The following LMBR1 variants were observed in gnomAD, a reference collection of about 807,000 sequenced individuals.
The protein encoded by LMBR1 is limb development membrane protein 1, also known as limb region 1 protein homolog.
Under a neutral mutation model 73.9 loss-of-function variants are expected in LMBR1, and 52 were observed. That is an observed-to-expected ratio of 0.70 (90% CI 0.56 to 0.89). The LOEUF (loss-of-function observed/expected upper bound fraction) is 0.89. LMBR1 is among the 40% of genes least tolerant of loss of function. The pLI, the probability that LMBR1 is intolerant of heterozygous loss-of-function variation, is 0.00. For missense variants in LMBR1, 539 were observed against 579.8 expected, an observed-to-expected ratio of 0.93 and a Z score of 0.72; for synonymous variants, 215 against 209.4, an observed-to-expected ratio of 1.03 and a Z score of -0.23.
At chr7:156,852,117 G>A (rs1013002952) in intron 1 of LMBR1, among the ~76,000 whole-genome samples, 2 of 151,988 alleles carry the variant, frequency 1.3e-5, no homozygotes, top group African/African-American at 4.8e-5. Context: ...AATATAACAA[G>A]TAATAAAGAT....
At chr7:156,817,295 C>T (rs1031876287) in intron 4 of LMBR1, among the ~76,000 whole-genome samples, 5 of 152,094 alleles carry the variant, frequency 3.3e-5, no homozygotes, top group African/African-American at 1.2e-4. Context: ...CAGCCATACT[C>T]AATAATTTCC....
Position 156,681,096 on chromosome 7 carries a change from A to C in LMBR1, c.*2982T>G, listed in dbSNP as rs1804943494. The C allele has an allele frequency of 4.8e-6, 2 of 418,510 alleles. No homozygotes were observed. The highest frequency in any genetic ancestry group is 9.2e-6 in the Non-Finnish European group (2 of 216,758). The allele number at this position is 418,510 out of a possible 1,614,324, so 25.9% of individuals were successfully genotyped here. A position where few individuals can be genotyped will look rare whatever the true frequency, so the allele number is the denominator to read the frequency against. On this transcript the variant is annotated 3_prime_UTR_variant, in exon 17 of 17. Transcript: ENST00000353442. Reference sequence around the variant, plus strand: ...ATCTATGTTCACATTAAAAAAAAAAACTTGTAAGAATTCTGCCTTTATGCA... The same window carrying C: ...ATCTATGTTCACATTAAAAAAAAAACCTTGTAAGAATTCTGCCTTTATGCA...
intron 4 of LMBR1, among the ~76,000 whole-genome samples, chr7:156,813,448 A>G (rs1282069625): frequency 1.3e-5 from 2 of 152,242 alleles, no homozygotes; most frequent in African/African-American, 4.8e-5. Flanking sequence ...CTCTCAACAT[A>G]CAACTCAACA....
intron 11 of LMBR1, 118 bp from the exon 12 acceptor site, chr7:156,728,125 CTA>C (rs572583886): frequency 2.9e-6 from 2 of 684,642 alleles, no homozygotes; most frequent in African/African-American, 1.8e-5. Context: ...GACCAAAACG[CTA>C]TATATAAAAC....
At chr7:156,686,565 A>G (rs1042979972) in intron 16 of LMBR1, among the ~76,000 whole-genome samples, 4 of 152,218 alleles carry the variant, frequency 2.6e-5, no homozygotes, top group Non-Finnish European at 4.4e-5. Flanking sequence ...AGAAAAGTAA[A>G]TGTATCTATT....
chr7:156,790,407 T>C (rs926065244), intron 5 of LMBR1, among the ~76,000 whole-genome samples: 2 of 152,076 alleles, frequency 1.3e-5, no homozygotes, highest in African/African-American at 4.8e-5. Flanking sequence ...CAATGAAATA[T>C]GCCCTAAGTC....
At chr7:156,766,376 G>A (rs1257724835) in intron 5 of LMBR1, among the ~76,000 whole-genome samples, 1 of 152,102 alleles carries the variant, frequency 6.6e-6, no homozygotes, top group African/African-American at 2.4e-5. Context: ...CCCACTGTGG[G>A]GCTTGGGTTC....
intron 5 of LMBR1, among the ~76,000 whole-genome samples, chr7:156,771,600 A>G (rs1027642426): frequency 1.3e-5 from 2 of 152,216 alleles, no homozygotes; most frequent in African/African-American, 2.4e-5. Flanking sequence ...TAAAAAGCCA[A>G]CTGACTAGAA....
intron 1 of LMBR1, among the ~76,000 whole-genome samples, chr7:156,890,401 T>A (rs573954168): frequency 6.6e-6 from 1 of 152,162 alleles, no homozygotes; most frequent in African/African-American, 2.4e-5. Flanking sequence ...ATCCACAGAG[T>A]GGGAAAGAAA....
At chr7:156,734,459 A>G (rs552003919) in intron 9 of LMBR1, among the ~76,000 whole-genome samples, 1 of 152,038 alleles carries the variant, frequency 6.6e-6, no homozygotes, top group East Asian at 1.9e-4. Context: ...ACACGTTTCC[A>G]CAGAGTGATA....
chr7:156,710,967 T>C (rs1358639091), intron 15 of LMBR1, among the ~76,000 whole-genome samples: 1 of 152,038 alleles, frequency 6.6e-6, no homozygotes, highest in African/African-American at 2.4e-5. Flanking sequence ...TCTAGGAGAA[T>C]ATTTAGCCAA....
chr7:156,716,998 G>T (rs1463186365), intron 15 of LMBR1, among the ~76,000 whole-genome samples: 1 of 152,114 alleles, frequency 6.6e-6, no homozygotes, highest in African/African-American at 2.4e-5. Context: ...GTTTAGCTGG[G>T]TGTGGTGGTG....
intron 9 of LMBR1, among the ~76,000 whole-genome samples, chr7:156,749,793 G>C (rs1293051155): frequency 6.6e-6 from 1 of 151,958 alleles, no homozygotes; most frequent in Non-Finnish European, 1.5e-5. Context: ...AGGTTCAAGC[G>C]ATTCTCCTGC....
intron 1 of LMBR1, among the ~76,000 whole-genome samples, chr7:156,891,918 G>C (rs2134662223): frequency 6.6e-6 from 1 of 152,266 alleles, no homozygotes; most frequent in African/African-American, 2.4e-5. Flanking sequence ...ACACAAATTA[G>C]ATAATTCTAA....
chr7:156,729,765 G>A (rs745810243), intron 10 of LMBR1, among the ~76,000 whole-genome samples: 10 of 152,138 alleles, frequency 6.6e-5, no homozygotes, highest in African/African-American at 1.4e-4. Context: ...GAGCCACTGC[G>A]CCCAGCCCCC....
intron 14 of LMBR1, among the ~76,000 whole-genome samples, 187 bp from the exon 15 acceptor site, chr7:156,724,365 G>A (rs1006540828): frequency 3.3e-5 from 5 of 152,106 alleles, no homozygotes. Context: ...AGTTATATCT[G>A]TAAGTTCTAG....
chr7:156,688,120 A>G lies in LMBR1; in HGVS notation c.1297T>C (p.Ser433Pro). 1 of 1,611,944 alleles carries G rather than the reference A, an allele frequency of 6.2e-7. No homozygotes were observed. Residue 433 changes from serine (S) to proline (P), a missense_variant, in exon 16 of 17, where the codon TCC (serine) becomes CCC (proline). Coordinates refer to ENST00000353442, the MANE Select transcript of LMBR1 (RefSeq NM_022458.4). Reference protein sequence around the residue: ...NWLGNFYIVLSYNLLFAIVTT... With the variant: ...NWLGNFYIVLPYNLLFAIVTT... ...ACAATAGCAAAAAGCAAATTGTAGG[A>G]TAATACAATATAGAAATTTCCCAGC...
At chr7:156,841,291 T>C (rs1481974114) in intron 1 of LMBR1, among the ~76,000 whole-genome samples, 3 of 152,048 alleles carry the variant, frequency 2.0e-5, no homozygotes, top group Non-Finnish European at 2.9e-5. Context: ...TATAATTCAC[T>C]CAGGTCAAGA....
chr7:156,691,342 G>A (rs1028889968), intron 15 of LMBR1, among the ~76,000 whole-genome samples: 6 of 152,048 alleles, frequency 3.9e-5, no homozygotes, highest in Non-Finnish European at 8.8e-5. Flanking sequence ...AATTCTTCAT[G>A]ACAAACTGCA....
Sources: gnomAD v4.1 joint callset for allele counts (sites outside exome capture counted in the v4.1 genomes callset) on GRCh38, gnomAD v4.1.1 for gene constraint, MANE v1.5 for transcripts, NCBI Gene and HGNC (gene_info 2026-07-23, HGNC 2026-07-21) for gene names.